The following GREB1L variants were observed in gnomAD, a reference collection of about 807,000 sequenced individuals.
GREB1L encodes the protein GREB1-like protein.
A neutral mutation model predicts 200.8 loss-of-function variants in GREB1L; 17 were observed. The ratio of observed to expected loss-of-function variants is 0.08; its 90% confidence interval spans 0.06 to 0.13. The LOEUF (loss-of-function observed/expected upper bound fraction) is 0.13, where lower values mean the gene tolerates loss of function less well. GREB1L is among the 10% of genes least tolerant of loss of function. The pLI is 1.00. For missense variants in GREB1L, 1,657 were observed against 2,367.7 expected (o/e 0.70, Z 6.23); for synonymous variants, 789 against 893.0 (o/e 0.88, Z 2.08).
chr18:21,495,764 C>T lies in GREB1L; in HGVS notation c.3125C>T (p.Pro1042Leu). The change falls in exon 20 of 33, where the codon CCT becomes CTT. Residue 1042 changes from proline (P) to leucine (L), a missense_variant. By Grantham distance (98) the Pro-to-Leu change is moderately conservative. Coordinates refer to ENST00000424526, the MANE Select transcript of GREB1L (RefSeq NM_001142966.3). The stretch of plus-strand genomic sequence containing the variant: ...ATTGTGATATTAACTGGCAAAGATC[C>T]TCTTGGAGAAACCTTTCCCAGGTAC... ...PCIVILTGKD[P>L]LGETFPRSLK... The T allele has an allele frequency of 2.0e-6, 3 of 1,536,114 alleles. No homozygotes were observed. Among genetic ancestry groups the T allele is most frequent in the Non-Finnish European group, 1.8e-6 (2 of 1,134,922 alleles).
intron 19 of GREB1L, among the ~76,000 whole-genome samples, chr18:21,495,267 T>G (rs749286105): frequency 3.3e-5 from 5 of 152,234 alleles, no homozygotes; most frequent in African/African-American, 1.2e-4. Flanking sequence ...CATTCACAAC[T>G]GAAACTCTTT....
intron 7 of GREB1L, among the ~76,000 whole-genome samples, chr18:21,432,077 C>T (rs377055536): frequency 1.7e-4 from 26 of 151,858 alleles, no homozygotes; most frequent in South Asian, 4.2e-4. Flanking sequence ...TGCCTGCCAC[C>T]GCGTCCGGCT....
At chr18:21,315,617 C>G (rs1258157609) in intron 1 of GREB1L, among the ~76,000 whole-genome samples, 1 of 152,172 alleles carries the variant, frequency 6.6e-6, no homozygotes, top group Non-Finnish European at 1.5e-5. Context: ...CTGTTACCAG[C>G]CTCCTCCCAG....
intron 5 of GREB1L, among the ~76,000 whole-genome samples, chr18:21,396,001 T>C (rs913573804): frequency 1.3e-5 from 2 of 152,014 alleles, no homozygotes; most frequent in African/African-American, 4.8e-5. Flanking sequence ...GTGATGGGAT[T>C]ACAGGCGGTA....
chr18:21,324,728 T>C (rs1466546326), intron 1 of GREB1L, among the ~76,000 whole-genome samples: 1 of 152,218 alleles, frequency 6.6e-6, no homozygotes, highest in Non-Finnish European at 1.5e-5. Context: ...GAGAATGGCA[T>C]GAACCCAGGA....
intron 4 of GREB1L, among the ~76,000 whole-genome samples, chr18:21,394,319 G>C (rs1378059665): frequency 6.6e-6 from 1 of 152,218 alleles, no homozygotes; most frequent in Non-Finnish European, 1.5e-5. Flanking sequence ...ATTACAGTGA[G>C]TACAGACGGA....
intron 22 of GREB1L, 83 bp from the exon 23 acceptor site, chr18:21,500,457 G>T: frequency 1.9e-6 from 2 of 1,057,948 alleles, no homozygotes; most frequent in South Asian, 2.7e-5. Context: ...ACACTGCAGA[G>T]CCAAGGTGTG....
At chr18:21,356,038 G>A (rs1367146139) in intron 1 of GREB1L, among the ~76,000 whole-genome samples, 1 of 143,360 alleles carries the variant, frequency 7.0e-6, no homozygotes, top group African/African-American at 2.6e-5. Flanking sequence ...CCAGGCTGGA[G>A]TGCAGTGGTG....
At chr18:21,271,001 G>A (rs2038069381) in intron 1 of GREB1L, among the ~76,000 whole-genome samples, 2 of 152,178 alleles carry the variant, frequency 1.3e-5, no homozygotes, top group Non-Finnish European at 2.9e-5. Context: ...AAGTGCCAGA[G>A]CTGGGATTTG....
intron 2 of GREB1L, among the ~76,000 whole-genome samples, chr18:21,371,962 A>C (rs754268357): frequency 1.3e-4 from 20 of 152,194 alleles, no homozygotes; most frequent in Non-Finnish European, 2.4e-4. Flanking sequence ...CAATTTGCCC[A>C]ATATCATACT....
chr18:21,499,202 G>A (rs939099815), intron 21 of GREB1L, among the ~76,000 whole-genome samples: 1 of 152,236 alleles, frequency 6.6e-6, no homozygotes, highest in Non-Finnish European at 1.5e-5. Context: ...GTGCTGCCAG[G>A]ACAGGACTTG....
chr18:21,277,217 C>G (rs1165185809), intron 1 of GREB1L, among the ~76,000 whole-genome samples: 1 of 152,118 alleles, frequency 6.6e-6, no homozygotes, highest in Non-Finnish European at 1.5e-5. Context: ...CGTGAGCCAC[C>G]GTGCCCGGCC....
intron 1 of GREB1L, among the ~76,000 whole-genome samples, chr18:21,327,445 C>G (rs955287373): frequency 2.0e-5 from 3 of 152,020 alleles, no homozygotes; most frequent in African/African-American, 7.3e-5. Context: ...CCTTGCCAGT[C>G]CCTCCTCATC....
chr18:21,490,289 A>C lies in GREB1L; in HGVS notation c.2968A>C (p.Ile990Leu), dbSNP rs767574961. Reference protein sequence around the residue: ...DKLGLQYRFEIILGNPATELS... With the variant: ...DKLGLQYRFELILGNPATELS... ...ACTGGGTCTGCAGTATCGGTTTGAG[A>C]TCATCCTTGGGAACCCGGCCACCGA... Residue 990 changes from isoleucine (I) to leucine (L), a missense_variant, in exon 19 of 33, where the codon ATC (isoleucine) becomes CTC (leucine). Coordinates refer to ENST00000424526, the MANE Select transcript of GREB1L (RefSeq NM_001142966.3). 2.6e-6 allele frequency: 4 copies of C among 1,551,778 alleles called. No homozygotes were observed. In the South Asian group the frequency reaches 4.8e-5, roughly 18 times the overall value.
intron 7 of GREB1L, among the ~76,000 whole-genome samples, chr18:21,439,297 A>G (rs1450291264): frequency 6.6e-6 from 1 of 152,158 alleles, no homozygotes; most frequent in Non-Finnish European, 1.5e-5. Context: ...AACTGATTCC[A>G]GAAGATCTCT....
intron 15 of GREB1L, among the ~76,000 whole-genome samples, chr18:21,459,945 G>A (rs1462480305): frequency 6.6e-6 from 1 of 152,034 alleles, no homozygotes; most frequent in East Asian, 1.9e-4. Context: ...CTCACCCTCA[G>A]GCACATTTAC....
Position 21,307,324 on chromosome 18 carries a change from A to G in GREB1L, c.-119-58703A>G, listed in dbSNP as rs111879738. On this transcript the variant is annotated intron_variant, in intron 1 of 32. Transcript: ENST00000424526. ...CTATGCAGGAATCTAGAGCTGGTGGATTTGGGGCTGACCGACTTGGCCTGG... is the reference window on the plus strand; with the variant it reads ...CTATGCAGGAATCTAGAGCTGGTGGGTTTGGGGCTGACCGACTTGGCCTGG... Among the ~76,000 whole-genome samples the G allele has an allele frequency of 6.0e-3, 919 of 152,276 alleles. 8 individuals carry two copies. The highest frequency in any genetic ancestry group is 0.012 in the South Asian group (58 of 4,826).
chr18:21,277,818 T>C (rs567230189), intron 1 of GREB1L, among the ~76,000 whole-genome samples: 85 of 152,296 alleles, frequency 5.6e-4, no homozygotes, highest in African/African-American at 1.9e-3. Context: ...CCCAATTCTA[T>C]TTTGAGCTTC....
chr18:21,393,310 TTCTTGAGAGCAAG>T (rs1383093911), intron 4 of GREB1L, among the ~76,000 whole-genome samples: 5 of 151,996 alleles, frequency 3.3e-5, no homozygotes, highest in African/African-American at 1.2e-4. Context: ...TTTTTCCCTG[TTCTTGAGAGCAAG>T]TCTCACGCTG....
Sources: allele counts gnomAD v4.1 joint callset (sites outside exome capture counted in the v4.1 genomes callset), GRCh38; gene constraint gnomAD v4.1.1; transcripts MANE v1.5; gene names NCBI Gene and HGNC (gene_info 2026-07-23, HGNC 2026-07-21).